TRAPPC9: variants seen among roughly 807,000 people sequenced by gnomAD.
TRAPPC9 encodes IKK2 binding protein.
Under a neutral mutation model 124.0 loss-of-function variants are expected in TRAPPC9, and 83 were observed. That is an observed-to-expected ratio of 0.67 (90% CI 0.56 to 0.80). The LOEUF (loss-of-function observed/expected upper bound fraction) is 0.80. Among genes scored for constraint, TRAPPC9 ranks in the 30% least tolerant of loss-of-function variants. The pLI is 0.00. For missense variants in TRAPPC9, 1,302 were observed against 1,508.3 expected (o/e 0.86, Z 2.27); for synonymous variants, 638 against 617.5 (o/e 1.03, Z -0.49).
At chr8:139,775,672 C>T (rs1821307009) in intron 21 of TRAPPC9, among the ~76,000 whole-genome samples, 1 of 152,196 alleles carries the variant, frequency 6.6e-6, no homozygotes, top group African/African-American at 2.4e-5. Context: ...GCCCAGAGCC[C>T]AGGCTGTGAG....
chr8:139,787,207 C>T (rs149099297), intron 21 of TRAPPC9, among the ~76,000 whole-genome samples: 4 of 151,874 alleles, frequency 2.6e-5, no homozygotes, highest in African/African-American at 4.8e-5. Context: ...TCACAGCCTG[C>T]GGGAATGGCC....
chr8:140,411,937 A>C (rs1033476993), intron 5 of TRAPPC9, among the ~76,000 whole-genome samples: 2 of 152,260 alleles, frequency 1.3e-5, no homozygotes, highest in African/African-American at 2.4e-5. Context: ...GAAAATCGCC[A>C]TTTGGCAGCC....
intron 18 of TRAPPC9, among the ~76,000 whole-genome samples, chr8:139,991,934 C>T (rs1837677405): frequency 6.6e-6 from 1 of 152,068 alleles, no homozygotes; most frequent in African/African-American, 2.4e-5. Flanking sequence ...AAAATACCTC[C>T]TGAGGAACTG....
At chr8:139,845,616 T>A (rs1351038067) in intron 21 of TRAPPC9, among the ~76,000 whole-genome samples, 1 of 152,110 alleles carries the variant, frequency 6.6e-6, no homozygotes, top group Non-Finnish European at 1.5e-5. Flanking sequence ...GGGAGTGCCT[T>A]CCTCCTTTCC....
chr8:140,100,877 G>A (rs949871843), intron 17 of TRAPPC9, among the ~76,000 whole-genome samples: 1 of 152,228 alleles, frequency 6.6e-6, no homozygotes, highest in Non-Finnish European at 1.5e-5. Flanking sequence ...GGGTTCGGAG[G>A]CGTCAGCGCT....
chr8:139,816,458 C>T (rs573768857), intron 21 of TRAPPC9, among the ~76,000 whole-genome samples: 27 of 152,296 alleles, frequency 1.8e-4, no homozygotes, highest in Admixed American at 3.3e-4. Context: ...GAGTCCCTGG[C>T]TTGTGGGGCT....
At chr8:139,859,734 C>T (rs938705882) in intron 21 of TRAPPC9, among the ~76,000 whole-genome samples, 2 of 152,172 alleles carry the variant, frequency 1.3e-5, no homozygotes, top group African/African-American at 2.4e-5. Flanking sequence ...AAGAGAGGCA[C>T]GTCTTTGGGA....
rs139180490 is a variant in TRAPPC9, at chr8:140,368,373, G to C, written c.1351+2591C>G. 1.1e-3 allele frequency among the ~76,000 whole-genome samples: 167 copies of C among 152,276 alleles called. 2 individuals carry two copies. The highest frequency in any genetic ancestry group is 3.4e-3 in the Middle Eastern group (1 of 294). On this transcript the variant is annotated intron_variant, in intron 8 of 22. Transcript: ENST00000438773. ...CTGCCAGATCTCAGCCATCTCACCT[G>C]AGTGGACAGCATGACAGGCTTTTAT...
chr8:140,071,789 G>C (rs1413821523), intron 17 of TRAPPC9, among the ~76,000 whole-genome samples: 1 of 152,206 alleles, frequency 6.6e-6, no homozygotes, highest in Non-Finnish European at 1.5e-5. Context: ...CAAAAGCTCT[G>C]AGCAAATTGT....
At chr8:140,442,235 T>C (rs1372031442) in intron 2 of TRAPPC9, among the ~76,000 whole-genome samples, 1 of 152,224 alleles carries the variant, frequency 6.6e-6, no homozygotes, top group Non-Finnish European at 1.5e-5. Flanking sequence ...AAAAGTCATA[T>C]AAATACTCTT....
At chr8:139,772,450 C>A (rs1343921821) in intron 21 of TRAPPC9, among the ~76,000 whole-genome samples, 3 of 152,192 alleles carry the variant, frequency 2.0e-5, no homozygotes, top group Non-Finnish European at 2.9e-5. Context: ...CTCTAGCCAT[C>A]GCCATGGCCA....
At position 140,198,355 on chromosome 8, in the gene TRAPPC9, G is replaced by A. The variant is rs147408043; in HGVS notation, c.2556+23104C>T. 3.7e-4 allele frequency among the ~76,000 whole-genome samples: 56 copies of A among 152,250 alleles called. No individual in the cohort carries two copies. The East Asian group carries it at 9.1e-3, about 25-fold the overall frequency. On this transcript the variant is annotated intron_variant, in intron 17 of 22. Transcript: ENST00000438773. The stretch of plus-strand genomic sequence containing the variant: ...GGAGTCACGCAGATGGAGGCTACAA[G>A]ATTCTGACCCTCCCTGAACCGCTCC...
At chr8:139,746,415 GAGAAACTGA>G (rs1040274994) in intron 21 of TRAPPC9, among the ~76,000 whole-genome samples, 2 of 152,186 alleles carry the variant, frequency 1.3e-5, no homozygotes, top group Admixed American at 1.3e-4. Flanking sequence ...AGGCTGAGAG[GAGAAACTGA>G]AGAAACTGAG....
chr8:139,981,916 G>A (rs1407005652), intron 19 of TRAPPC9, among the ~76,000 whole-genome samples: 1 of 152,246 alleles, frequency 6.6e-6, no homozygotes, highest in Non-Finnish European at 1.5e-5. Context: ...CAGCGTTTGG[G>A]TGCTTCGGTG....
At chr8:140,235,307 T>C (rs1335457154) in intron 16 of TRAPPC9, among the ~76,000 whole-genome samples, 2 of 152,114 alleles carry the variant, frequency 1.3e-5, no homozygotes, top group Admixed American at 6.5e-5. Flanking sequence ...AAATCTAATT[T>C]AAAAAATTGA....
chr8:140,189,797 C>T (rs545443203), intron 17 of TRAPPC9, among the ~76,000 whole-genome samples: 2 of 152,258 alleles, frequency 1.3e-5, no homozygotes, highest in Admixed American at 1.3e-4. Context: ...CAGCTCTTAG[C>T]ACAAGCCATC....
At chr8:139,832,322 T>A (rs1284276174) in intron 21 of TRAPPC9, among the ~76,000 whole-genome samples, 1 of 152,240 alleles carries the variant, frequency 6.6e-6, no homozygotes, top group Non-Finnish European at 1.5e-5. Flanking sequence ...AGACTGCTTT[T>A]AATACTCGAA....
intron 21 of TRAPPC9, among the ~76,000 whole-genome samples, chr8:139,854,346 G>A (rs952123474): frequency 2.6e-5 from 4 of 152,208 alleles, no homozygotes; most frequent in African/African-American, 7.2e-5. Context: ...CATGAATGAC[G>A]CTTTTAGTAC....
At position 140,165,951 on chromosome 8, in the gene TRAPPC9, C is replaced by T. The variant is rs76501885; in HGVS notation, c.2556+55508G>A. Among the ~76,000 whole-genome samples, 16 of 152,266 alleles carry T rather than the reference C, an allele frequency of 1.1e-4. No homozygotes were observed. In the East Asian group the frequency reaches 2.5e-3, roughly 24 times the overall value. On this transcript the variant is annotated intron_variant, in intron 17 of 22. Transcript: ENST00000438773. ...TGCTCACGCTGCTGCCTCTGCTAAG[C>T]GCCATGATCCTGCCTCCCTCGATGT... is the stretch of plus-strand genomic sequence containing the variant.
Sources: allele counts gnomAD v4.1 joint callset (sites outside exome capture counted in the v4.1 genomes callset), GRCh38; gene constraint gnomAD v4.1.1; transcripts MANE v1.5; gene names NCBI Gene and HGNC (gene_info 2026-07-23, HGNC 2026-07-21).